The following ULK4 variants were observed in gnomAD, a reference collection of about 807,000 sequenced individuals.
ULK4 encodes the protein inactive serine/threonine-protein kinase ULK4.
A neutral mutation model predicts 160.6 loss-of-function variants in ULK4; 133 were observed. The ratio of observed to expected loss-of-function variants is 0.83; its 90% CI spans 0.72 to 0.96. The LOEUF (loss-of-function observed/expected upper bound fraction) is 0.96, where lower values mean the gene tolerates loss of function less well. Among genes scored for constraint, ULK4 ranks in the 40% least tolerant of loss-of-function variants. The pLI is 0.00. For synonymous variants in ULK4, 534 were observed against 539.8 expected, an observed-to-expected ratio of 0.99 and a Z score of 0.15; for missense variants, 1,580 against 1,499.5, an observed-to-expected ratio of 1.05 and a Z score of -0.89.
At chr3:41,403,714 T>C (rs2082232887) in intron 34 of ULK4, among the ~76,000 whole-genome samples, 1 of 152,162 alleles carries the variant, frequency 6.6e-6, no homozygotes, top group Admixed American at 6.5e-5. Flanking sequence ...TTTACACCTT[T>C]TGTCTATAAG....
intron 27 of ULK4, among the ~76,000 whole-genome samples, chr3:41,695,730 C>A (rs1301589103): frequency 1.3e-5 from 2 of 152,032 alleles, no homozygotes; most frequent in Non-Finnish European, 2.9e-5. Flanking sequence ...ACGAGCTGTT[C>A]CAGTATAATA....
chr3:41,308,235 C>G (rs1559516976), intron 35 of ULK4, among the ~76,000 whole-genome samples: 1 of 152,034 alleles, frequency 6.6e-6, no homozygotes, highest in Non-Finnish European at 1.5e-5. Flanking sequence ...CATGTACACA[C>G]AGGAGTGTGT....
Position 41,905,508 on chromosome 3 carries a change from T to A in ULK4, c.1182+2337A>T, listed in dbSNP as rs1393363518. On this transcript the variant is annotated intron_variant, in intron 12 of 36. Coordinates refer to ENST00000301831, the MANE Select transcript of ULK4 (RefSeq NM_017886.4). ...AAAGATAAATTGGACTATATCAAAA[T>A]TTAAAACTTTTGTGCTTCAAAGGAC... Among the ~76,000 whole-genome samples, 9 of 151,810 alleles carry A rather than the reference T, an allele frequency of 5.9e-5. No individual in the cohort carries two copies. The South Asian group carries it at 1.0e-3, about 18-fold the overall frequency.
At chr3:41,522,876 G>GA in intron 32 of ULK4, among the ~76,000 whole-genome samples, 1 of 152,172 alleles carries the variant, frequency 6.6e-6, no homozygotes, top group East Asian at 1.9e-4. Context: ...AAGAACTGGT[G>GA]AAAAAACAGT....
intron 17 of ULK4, chr3:41,854,744 C>T (rs1375600222): frequency 6.6e-6 from 1 of 151,994 alleles, no homozygotes; most frequent in Non-Finnish European, 1.5e-5. Context: ...TGCAAAGTGG[C>T]CATAGTTCCA....
At chr3:41,530,543 C>T (rs565699873) in intron 32 of ULK4, among the ~76,000 whole-genome samples, 2 of 152,162 alleles carry the variant, frequency 1.3e-5, no homozygotes, top group African/African-American at 2.4e-5. Flanking sequence ...GAGCTACCCC[C>T]GCCTAAACTG....
chr3:41,429,740 T>TG (rs1407731287), intron 34 of ULK4, among the ~76,000 whole-genome samples: 1 of 149,370 alleles, frequency 6.7e-6, no homozygotes, highest in African/African-American at 2.5e-5. Flanking sequence ...GGCCTGTCGG[T>TG]GGGGGTGCAG....
rs1293710951 is a variant in ULK4, at chr3:41,911,501, A to G, written c.1015+40T>C. On this transcript the variant is annotated intron_variant, in intron 10 of 36. Coordinates refer to ENST00000301831, the MANE Select transcript of ULK4 (RefSeq NM_017886.4). ...ACTGAAATTAGGAACTCTCTCAAAC[A>G]ACATTCTAAGTAGCATGAATGTGCT... 2.5e-6 allele frequency: 4 copies of G among 1,591,410 alleles called. No individual in the cohort carries two copies. The Admixed American group carries it at 5.0e-5, about 20-fold the overall frequency.
intron 22 of ULK4, 108 bp from the exon 23 acceptor site, chr3:41,717,969 T>C (rs2037330083): frequency 1.5e-6 from 2 of 1,298,426 alleles, no homozygotes; most frequent in Non-Finnish European, 2.1e-6. Flanking sequence ...CTCCCAATCA[T>C]ATTGACGTTT....
chr3:41,354,403 T>C (rs1179657542), intron 35 of ULK4, among the ~76,000 whole-genome samples: 1 of 152,194 alleles, frequency 6.6e-6, no homozygotes, highest in African/African-American at 2.4e-5. Context: ...TTTCCATAGA[T>C]TGTATCCACT....
chr3:41,548,604 C>T lies in ULK4; in HGVS notation c.3226+17421G>A, dbSNP rs771357897. Among the ~76,000 whole-genome samples, 60 of 152,192 alleles carry T rather than the reference C, an allele frequency of 3.9e-4. 1 individual carries two copies. Among genetic ancestry groups the T allele is most frequent in the East Asian group, 1.2e-3 (6 of 5,172 alleles). On this transcript the variant is annotated intron_variant, in intron 32 of 36. Coordinates refer to ENST00000301831, the MANE Select transcript of ULK4 (RefSeq NM_017886.4). ...CCACATGGGAGCCCAACAGTTGGCTCGCCACCACAATGCCATTGCAGATGC... is the reference window on the plus strand; with the variant it reads ...CCACATGGGAGCCCAACAGTTGGCTTGCCACCACAATGCCATTGCAGATGC...
intron 32 of ULK4, among the ~76,000 whole-genome samples, chr3:41,556,729 C>T (rs1200993097): frequency 1.3e-5 from 2 of 151,934 alleles, no homozygotes; most frequent in African/African-American, 4.8e-5. Flanking sequence ...CCTCGTAATC[C>T]GCCCACCTCA....
intron 19 of ULK4, among the ~76,000 whole-genome samples, chr3:41,805,007 A>T (rs58534971): frequency 0.044 from 6,584 of 151,322 alleles, 440 homozygotes; most frequent in African/African-American, 0.15. Flanking sequence ...TAGTTTTTTC[A>T]AATTCTGTGA....
At chr3:41,439,207 G>C (rs947371995) in intron 34 of ULK4, among the ~76,000 whole-genome samples, 1 of 152,112 alleles carries the variant, frequency 6.6e-6, no homozygotes, top group Non-Finnish European at 1.5e-5. Context: ...TTCACTGAAG[G>C]CTCAGTATCT....
At chr3:41,947,518 G>C (rs1700149784) in intron 2 of ULK4, among the ~76,000 whole-genome samples, 1 of 152,166 alleles carries the variant, frequency 6.6e-6, no homozygotes. Context: ...CAACTGGAGA[G>C]GGGGCATTGG....
intron 32 of ULK4, among the ~76,000 whole-genome samples, chr3:41,516,508 G>A (rs909601933): frequency 2.0e-5 from 3 of 151,564 alleles, no homozygotes; most frequent in Admixed American, 2.0e-4. Flanking sequence ...CCATAAAAAA[G>A]AATGAGATCC....
At chr3:41,723,643 A>C (rs549894921) in intron 22 of ULK4, among the ~76,000 whole-genome samples, 5 of 152,352 alleles carry the variant, frequency 3.3e-5, no homozygotes, top group Admixed American at 1.3e-4. Context: ...TCCTCTGGCC[A>C]ATATATGTAG....
intron 32 of ULK4, among the ~76,000 whole-genome samples, chr3:41,530,008 A>AT (rs2086247828): frequency 1.3e-5 from 2 of 152,118 alleles, no homozygotes; most frequent in Admixed American, 6.5e-5. Flanking sequence ...GGTACATGGG[A>AT]TTTTTTGCAG....
intron 35 of ULK4, among the ~76,000 whole-genome samples, chr3:41,315,051 A>G (rs1371923670): frequency 6.6e-6 from 1 of 152,216 alleles, no homozygotes; most frequent in African/African-American, 2.4e-5. Flanking sequence ...AACCATGCAA[A>G]TTAGCATACG....
Sources: gnomAD v4.1 joint callset for allele counts (sites outside exome capture counted in the v4.1 genomes callset) on GRCh38, gnomAD v4.1.1 for gene constraint, MANE v1.5 for transcripts, NCBI Gene and HGNC (gene_info 2026-07-23, HGNC 2026-07-21) for gene names.